The following ADGRL2 variants were observed in gnomAD, a reference collection of about 807,000 sequenced individuals.
The protein encoded by ADGRL2 is calcium-independent alpha-latrotoxin receptor 2.
A neutral mutation model predicts 157.4 loss-of-function variants in ADGRL2; 44 were observed. The ratio of observed to expected loss-of-function variants is 0.28; its 90% CI spans 0.22 to 0.36. The LOEUF (loss-of-function observed/expected upper bound fraction) is 0.36. Ranked by LOEUF, ADGRL2 falls within the 10% of genes least tolerant of loss-of-function variation. The pLI is 1.00. For missense variants in ADGRL2, 1,510 were observed against 1,768.9 expected, an observed-to-expected ratio of 0.85 and a Z score of 2.63; for synonymous variants, 585 against 624.7, an observed-to-expected ratio of 0.94 and a Z score of 0.95.
chr1:81,672,677 A>C (rs576409715), intron 3 of ADGRL2, among the ~76,000 whole-genome samples: 2 of 152,202 alleles, frequency 1.3e-5, no homozygotes, highest in Non-Finnish European at 2.9e-5. Context: ...GGGAAATGAC[A>C]ATTAAAAAAT....
At chr1:81,390,944 C>G (rs1371902044) in intron 1 of ADGRL2, among the ~76,000 whole-genome samples, 57 of 152,344 alleles carry the variant, frequency 3.7e-4, no homozygotes, top group African/African-American at 1.3e-3. Flanking sequence ...GCTTTTGCAG[C>G]TGCTGCGTCA....
chr1:81,847,032 T>C (rs1370663408), intron 2 of ADGRL2, among the ~76,000 whole-genome samples: 1 of 151,336 alleles, frequency 6.6e-6, no homozygotes, highest in Non-Finnish European at 1.5e-5. Flanking sequence ...TTTTGGTAGA[T>C]ATGTTGAATA....
chr1:81,952,929 C>A (rs1652318211), intron 9 of ADGRL2, 58 bp from the exon 10 acceptor site: 1 of 1,349,502 alleles, frequency 7.4e-7, no homozygotes, highest in South Asian at 1.2e-5. Flanking sequence ...TTTCTTCTTT[C>A]CTCATTTTCA....
At chr1:81,489,966 G>C (rs977322946) in intron 2 of ADGRL2, among the ~76,000 whole-genome samples, 1 of 152,000 alleles carries the variant, frequency 6.6e-6, no homozygotes, top group African/African-American at 2.4e-5. Flanking sequence ...ACTTAAGAGA[G>C]TCTTCCAGGG....
chr1:81,912,783 C>T (rs760314083), intron 3 of ADGRL2, among the ~76,000 whole-genome samples: 1 of 152,014 alleles, frequency 6.6e-6, no homozygotes, highest in South Asian at 2.1e-4. Flanking sequence ...TCTATTTTGA[C>T]AGCTCAAATA....
intron 3 of ADGRL2, among the ~76,000 whole-genome samples, chr1:81,668,198 G>A (rs908483244): frequency 1.3e-5 from 2 of 151,958 alleles, no homozygotes; most frequent in African/African-American, 2.4e-5. Flanking sequence ...GAAGTGGGGC[G>A]GATCACACAC....
chr1:81,387,377 T>C (rs950262842), intron 1 of ADGRL2, among the ~76,000 whole-genome samples: 1 of 152,192 alleles, frequency 6.6e-6, no homozygotes, highest in East Asian at 1.9e-4. Context: ...GGAAAGTTTT[T>C]TTAAGTTTCA....
rs1355229238 is a variant in ADGRL2, at chr1:81,383,150, A to T, written c.-301-61886A>T. 2.0e-5 allele frequency among the ~76,000 whole-genome samples: 3 copies of T among 152,218 alleles called. No homozygotes were observed. In the East Asian group the frequency reaches 5.8e-4, roughly 29 times the overall value. On this transcript the variant is annotated intron_variant, in intron 1 of 24. Transcript: ENST00000370721. The stretch of plus-strand genomic sequence containing the variant: ...CCAGTGGTCTTTGTTGAGCCGCATT[A>T]CAGGAAAGCCTAGATAAAGGAAAAG...
At chr1:81,330,437 G>A (rs1367452490) in intron 1 of ADGRL2, among the ~76,000 whole-genome samples, 2 of 152,056 alleles carry the variant, frequency 1.3e-5, no homozygotes, top group Admixed American at 6.6e-5. Context: ...TTCTACTGCT[G>A]GGGAACATAC....
chr1:81,836,977 G>T lies in ADGRL2; in HGVS notation c.-8G>T, dbSNP rs756132514. 8.3e-6 allele frequency: 13 copies of T among 1,562,076 alleles called. No individual in the cohort carries two copies. Among genetic ancestry groups the T allele is most frequent in the Non-Finnish European group, 9.6e-6 (11 of 1,148,624 alleles). ...GGAATACAAAGAAAATACTTAAAGG[G>T]ATCAATAATGGTGTCTTCTGGTTGC... On this transcript the variant is annotated 5_prime_UTR_variant, in exon 2 of 24. Coordinates refer to ENST00000686636, the MANE Select transcript of ADGRL2 (RefSeq NM_001366006.2).
At chr1:81,676,371 C>T (rs2082990015) in intron 3 of ADGRL2, among the ~76,000 whole-genome samples, 1 of 152,082 alleles carries the variant, frequency 6.6e-6, no homozygotes, top group South Asian at 2.1e-4. Flanking sequence ...CAGTGTTGTA[C>T]AATCACAGTC....
At chr1:81,855,669 AT>A (rs2093177679) in intron 2 of ADGRL2, among the ~76,000 whole-genome samples, 1 of 152,086 alleles carries the variant, frequency 6.6e-6, no homozygotes, top group African/African-American at 2.4e-5. Flanking sequence ...CGGACATTGG[AT>A]TTGAATGTTA....
chr1:81,606,035 A>G (rs1359089029), intron 3 of ADGRL2, among the ~76,000 whole-genome samples: 1 of 152,190 alleles, frequency 6.6e-6, no homozygotes, highest in East Asian at 1.9e-4. Context: ...TTTAACAAGT[A>G]CTACACTGTA....
chr1:81,620,837 A>T (rs1387300377), intron 3 of ADGRL2, among the ~76,000 whole-genome samples: 2 of 152,236 alleles, frequency 1.3e-5, no homozygotes, highest in African/African-American at 4.8e-5. Context: ...AGAAATTAGT[A>T]TTCACTGGAA....
At chr1:81,409,205 G>A (rs1257779556) in intron 1 of ADGRL2, among the ~76,000 whole-genome samples, 2 of 151,996 alleles carry the variant, frequency 1.3e-5, no homozygotes, top group African/African-American at 4.8e-5. Context: ...TAATTTTCCT[G>A]CTCACTGGTG....
intron 1 of ADGRL2, among the ~76,000 whole-genome samples, chr1:81,833,479 T>C (rs1434966307): frequency 6.6e-6 from 1 of 152,204 alleles, no homozygotes. Context: ...TTTAGAAAAT[T>C]GTAGTTTAAT....
At chr1:81,478,355 T>C (rs1208033010) in intron 2 of ADGRL2, among the ~76,000 whole-genome samples, 1 of 152,200 alleles carries the variant, frequency 6.6e-6, no homozygotes, top group Admixed American at 6.5e-5. Context: ...ACAATGAGAC[T>C]CTGTTCATCC....
intron 1 of ADGRL2, among the ~76,000 whole-genome samples, chr1:81,407,542 T>C (rs1455231110): frequency 6.6e-6 from 1 of 152,274 alleles, no homozygotes; most frequent in South Asian, 2.1e-4. Flanking sequence ...TTTATTCTGC[T>C]TTTCAAGGAT....
chr1:81,704,901 C>T (rs1227974936), intron 1 of ADGRL2, among the ~76,000 whole-genome samples: 2 of 151,974 alleles, frequency 1.3e-5, no homozygotes, highest in African/African-American at 2.4e-5. Flanking sequence ...CATAGGGGTA[C>T]TGAAGAGAGG....
Sources: allele counts gnomAD v4.1 joint callset (sites outside exome capture counted in the v4.1 genomes callset), GRCh38; gene constraint gnomAD v4.1.1; transcripts MANE v1.5; gene names NCBI Gene and HGNC (gene_info 2026-07-23, HGNC 2026-07-21).